BTD: variants seen among roughly 807,000 people sequenced by gnomAD.
BTD encodes the protein biotinidase.
A neutral mutation model predicts 17.7 loss-of-function variants in BTD; 13 were observed. The observed-to-expected ratio is 0.74, with a 90% CI of 0.48 to 1.17. The LOEUF (loss-of-function observed/expected upper bound fraction) is 1.17, where lower values mean the gene tolerates loss of function less well. BTD is among the 50% of genes most tolerant of loss of function. The probability of loss-of-function intolerance (pLI) is 0.00; values close to 1 mark genes in which losing one functional copy is unlikely to be tolerated. For missense variants in BTD, 674 were observed against 650.4 expected (o/e 1.04, Z -0.39); for synonymous variants, 240 against 245.2 (o/e 0.98, Z 0.20).
At chr3:15,605,914 A>G (rs1314953302) in intron 1 of BTD, among the ~76,000 whole-genome samples, 1 of 152,088 alleles carries the variant, frequency 6.6e-6, no homozygotes, top group Non-Finnish European at 1.5e-5. Context: ...GTGGTGGCAC[A>G]TGCCTGTAAT....
At chr3:15,659,547 C>G (rs2470534) in intron 3 of BTD, among the ~76,000 whole-genome samples, 82,886 of 152,078 alleles carry the variant, frequency 0.55, 23,148 homozygotes, top group Middle Eastern at 0.65. Flanking sequence ...TAGGCGCTTT[C>G]TCTAGTAAAA....
intron 1 of BTD, among the ~76,000 whole-genome samples, chr3:15,602,832 G>T (rs754071863): frequency 3.3e-5 from 5 of 152,040 alleles, no homozygotes; most frequent in Non-Finnish European, 5.9e-5. Flanking sequence ...CTGCATATGT[G>T]GACGGTGTTA....
chr3:15,624,106 A>T (rs182825681), intron 1 of BTD, among the ~76,000 whole-genome samples: 1 of 152,202 alleles, frequency 6.6e-6, no homozygotes, highest in Non-Finnish European at 1.5e-5. Flanking sequence ...TCTATAGATA[A>T]GATGTTTTTT....
chr3:15,669,701 C>T (rs1265208453), intron 3 of BTD: 1 of 152,208 alleles, frequency 6.6e-6, no homozygotes, highest in African/African-American at 2.4e-5. Flanking sequence ...CCCAAAAAAA[C>T]TCAACATTTA....
At chr3:15,670,468 T>C in intron 3 of BTD, 1 of 1,613,950 alleles carries the variant, frequency 6.2e-7, no homozygotes, top group African/African-American at 1.3e-5. Context: ...AAGGACTACT[T>C]GATGAGACAG....
intron 3 of BTD, among the ~76,000 whole-genome samples, chr3:15,702,107 T>C (rs1265789828): frequency 6.6e-6 from 1 of 152,236 alleles, no homozygotes; most frequent in African/African-American, 2.4e-5. Context: ...TGGGTAAGCA[T>C]TATCTCTAAC....
At chr3:15,676,372 A>C (rs2066934905) in intron 3 of BTD, 1 of 169,948 alleles carries the variant, frequency 5.9e-6, no homozygotes, top group South Asian at 1.9e-4. Context: ...CTGCAGTAGC[A>C]TAAATTCTAA....
exon 4 of BTD, chr3:15,711,372 C>A: frequency 1.0e-6 from 1 of 982,848 alleles, no homozygotes; most frequent in Non-Finnish European, 1.6e-6. Flanking sequence ...CCCTCCAATC[C>A]CAAACAAAAC....
chr3:15,713,460 GA>G, downstream of BTD: 1 of 1,223,258 alleles, frequency 8.2e-7, no homozygotes, highest in Non-Finnish European at 1.2e-6. Context: ...GAAATGTCTA[GA>G]AAACTGCAGT....
chr3:15,608,444 G>A (rs1157119230), intron 1 of BTD, among the ~76,000 whole-genome samples: 2 of 152,162 alleles, frequency 1.3e-5, no homozygotes, highest in Non-Finnish European at 2.9e-5. Flanking sequence ...GTGCTATGAG[G>A]ATGTAAGAGA....
At chr3:15,711,100 T>C in exon 4 of BTD, 3 of 934,726 alleles carry the variant, frequency 3.2e-6, no homozygotes, top group Non-Finnish European at 4.7e-6. Context: ...AACTCCTGTT[T>C]TGTTTTCTAT....
chr3:15,720,871 C>T, intron 4 of BTD: 4 of 1,554,574 alleles, frequency 2.6e-6, no homozygotes, highest in East Asian at 2.3e-5. Context: ...GTTGTTTTAA[C>T]AGTGACATAT....
chr3:15,707,155 T>C lies in BTD; in HGVS notation c.400-2905T>C, dbSNP rs139066009. On this transcript the variant is annotated intron_variant, in intron 3 of 3. Coordinates refer to the BTD transcript ENST00000672141. ...ATCTTTCCCCAGAAACCATTACTTA[T>C]TTCTGCCAATGGTATTTTTACTTTT... Among the ~76,000 whole-genome samples, 620 of 152,342 alleles carry C rather than the reference T, an allele frequency of 4.1e-3. 2 individuals are homozygous for C. The highest frequency in any genetic ancestry group is 0.023 in the East Asian group (118 of 5,190).
At chr3:15,714,508 G>T, downstream of BTD, 5 of 1,097,366 alleles carry the variant, frequency 4.6e-6, no homozygotes, top group Non-Finnish European at 6.4e-6. Context: ...CCATTCATTT[G>T]GTGGATGTTT....
At chr3:15,664,018 C>T (rs569343724) in intron 3 of BTD, among the ~76,000 whole-genome samples, 4 of 152,224 alleles carry the variant, frequency 2.6e-5, no homozygotes, top group Non-Finnish European at 4.4e-5. Context: ...TCTCCTGCTT[C>T]AGCCTCCCAA....
chr3:15,707,769 C>T (rs553492814), intron 3 of BTD, among the ~76,000 whole-genome samples: 1 of 152,298 alleles, frequency 6.6e-6, no homozygotes, highest in South Asian at 2.1e-4. Context: ...TTATCAATAA[C>T]TATGAAACCA....
At position 15,662,108 on chromosome 3, in the gene BTD, G is replaced by A. The variant is rs540901270; in HGVS notation, c.399+20051G>A. Among the ~76,000 whole-genome samples, 7 of 152,220 alleles carry A rather than the reference G, an allele frequency of 4.6e-5. No individual in the cohort carries two copies. The East Asian group carries it at 5.8e-4, about 13-fold the overall frequency. On this transcript the variant is annotated intron_variant, in intron 3 of 3. Coordinates refer to the BTD transcript ENST00000672141. ...CTTCAATATTGTGTTGGCTATTCTT[G>A]GCTTTTGCCTCTCCATATAAACTTT... is the stretch of plus-strand genomic sequence containing the variant.
chr3:15,710,641 T>C (rs569358480), exon 4 of BTD, among the ~76,000 whole-genome samples: 1 of 152,332 alleles, frequency 6.6e-6, no homozygotes, highest in South Asian at 2.1e-4. Flanking sequence ...CAGATCTAAA[T>C]TATCAGAAGC....
intron 1 of BTD, among the ~76,000 whole-genome samples, chr3:15,627,350 G>T (rs1575001257): frequency 6.6e-6 from 1 of 152,182 alleles, no homozygotes; most frequent in East Asian, 1.9e-4. Flanking sequence ...ATCCTTCCGA[G>T]TAGCTAGGAC....
Sources: allele counts gnomAD v4.1 joint callset (sites outside exome capture counted in the v4.1 genomes callset), GRCh38; gene constraint gnomAD v4.1.1; transcripts MANE v1.5; gene names NCBI Gene and HGNC (gene_info 2026-07-23, HGNC 2026-07-21).